The following ITGA6 variants were observed in gnomAD, a reference collection of about 807,000 sequenced individuals.
The protein encoded by ITGA6 is integrin subunit alpha 6.
ITGA6 carries 63 observed loss-of-function variants against 133.6 expected under a neutral mutation model. The ratio of observed to expected loss-of-function variants is 0.47; its 90% CI spans 0.38 to 0.58. ITGA6 has a LOEUF of 0.58. Among genes scored for constraint, ITGA6 ranks in the 20% least tolerant of loss-of-function variants. ITGA6 has a pLI of 0.00. For synonymous variants in ITGA6, 434 were observed against 482.0 expected (o/e 0.90, Z 1.30); for missense variants, 1,068 against 1,309.4 (o/e 0.82, Z 2.85).
At chr2:172,436,933 T>A (rs904090215) in intron 1 of ITGA6, among the ~76,000 whole-genome samples, 3 of 152,192 alleles carry the variant, frequency 2.0e-5, no homozygotes, top group Non-Finnish European at 4.4e-5. Flanking sequence ...TGATGTGATC[T>A]GCAAAAATAT....
chr2:172,441,905 C>T (rs551380476), intron 1 of ITGA6, among the ~76,000 whole-genome samples: 37 of 152,246 alleles, frequency 2.4e-4, no homozygotes, highest in South Asian at 6.2e-4. Context: ...CGCCCTCACC[C>T]CTAAGCAGAG....
At chr2:172,464,946 A>G (rs1213500673) in intron 1 of ITGA6, among the ~76,000 whole-genome samples, 38 of 57,668 alleles carry the variant, frequency 6.6e-4, no homozygotes, top group East Asian at 9.7e-3. Flanking sequence ...ACTGGAGGGA[A>G]AAAAAAAAAA....
At chr2:172,458,463 A>G (rs1334964314) in intron 1 of ITGA6, among the ~76,000 whole-genome samples, 2 of 152,140 alleles carry the variant, frequency 1.3e-5, no homozygotes, top group Non-Finnish European at 2.9e-5. Context: ...AAATAAAAAA[A>G]ATGCCTAAAA....
In ITGA6 at chr2:172,491,049, G is replaced by A. The variant is rs1048189769; in HGVS notation, c.2705G>A (p.Arg902Gln). Reference protein sequence around the residue: ...LTESHNSRKKREITEKQIDDN... With the variant: ...LTESHNSRKKQEITEKQIDDN... ...GAGTCTCACAACTCAAGAAAGAAACGGGAAATTACTGAAAAACAGATAGAT... is the reference window on the plus strand; with the variant it reads ...GAGTCTCACAACTCAAGAAAGAAACAGGAAATTACTGAAAAACAGATAGAT... Residue 902 changes from arginine to glutamine, a missense_variant, in exon 21 of 26, where the codon CGG becomes CAG. Transcript: ENST00000684293. This position sits in a 1 kb window ranked among gnomAD's most constrained non-coding sequence, Gnocchi z 4.4. The A allele has an allele frequency of 1.3e-5, 20 of 1,582,856 alleles. No homozygotes were observed. The highest frequency in any genetic ancestry group is 4.0e-5 in the African/African-American group (3 of 74,382).
At chr2:172,471,366 C>T (rs1340822698) in intron 5 of ITGA6, among the ~76,000 whole-genome samples, 1 of 152,200 alleles carries the variant, frequency 6.6e-6, no homozygotes, top group South Asian at 2.1e-4. Context: ...CTCCCTCCTG[C>T]TCAGAAGTCT....
rs1490996431 is a variant in ITGA6, at chr2:172,487,755, A to G, written c.2272A>G (p.Thr758Ala). Residue 758 changes from threonine (T) to alanine (A), a missense_variant, in exon 17 of 26, where the codon ACT (threonine) becomes GCT (alanine). By Grantham distance (58) the Thr-to-Ala change is moderately conservative. Around this residue, in one of 3 missense-constraint regions of ITGA6, gnomAD observed 609 missense variants for 707.2 expected, o/e 0.86. Transcript: ENST00000684293. ...CACTTTTTATTTGGTTTTAAGTACA[A>G]CTGAAGTCACCTTTGACACCCCAGA... Reference protein sequence around the residue: ...NVTFYLVLSTTEVTFDTPDLD... With the variant: ...NVTFYLVLSTAEVTFDTPDLD... 6.2e-7 allele frequency: 1 copy of G among 1,612,968 alleles called. No individual in the cohort carries two copies. Among genetic ancestry groups the G allele is most frequent in the East Asian group, 2.2e-5 (1 of 44,862 alleles).
chr2:172,459,227 C>T (rs1416646550), intron 1 of ITGA6, among the ~76,000 whole-genome samples: 4 of 152,230 alleles, frequency 2.6e-5, no homozygotes, highest in East Asian at 1.9e-4. Flanking sequence ...TGGTGGAGCA[C>T]GGTGGTTCAC....
Position 172,487,115 on chromosome 2 carries a change from A to G in ITGA6, c.1947A>G (p.Gln649=), listed in dbSNP as rs759169470. 11 of 1,607,744 alleles carry G rather than the reference A, an allele frequency of 6.8e-6. No homozygotes were observed. The Admixed American group carries it at 1.8e-4, about 27-fold the overall frequency. The change falls in exon 14 of 26, where the codon CAA becomes CAG. Residue 649 remains glutamine, a synonymous_variant. Transcript: ENST00000684293. ...AATTTTGCACCCGAGAAGGAAATCA[A>G]GACAAATTTTCTTATTTACCAATGT... ...EYKFCTREGN[Q]DKFSYLPIQK...
At chr2:172,429,993 A>G (rs1434871006) in intron 1 of ITGA6, among the ~76,000 whole-genome samples, 1 of 152,204 alleles carries the variant, frequency 6.6e-6, no homozygotes, top group Non-Finnish European at 1.5e-5. Flanking sequence ...AGCCAGTAAG[A>G]CTGAGAAAAC....
At chr2:172,435,618 T>C (rs1684286274) in intron 1 of ITGA6, among the ~76,000 whole-genome samples, 1 of 124,970 alleles carries the variant, frequency 8.0e-6, no homozygotes, top group Non-Finnish European at 1.6e-5. Flanking sequence ...TTTTGTTTCT[T>C]TTTTTTTTTT....
In ITGA6 at chr2:172,506,180, T is replaced by A. The variant is rs1687554117; in HGVS notation, c.*2112T>A. On this transcript the variant is annotated 3_prime_UTR_variant, in exon 26 of 26. Transcript: ENST00000684293. ...ATTTGTATAAAAGTGTGAAATAAAT[T>A]TTTTATAAAAGTGTTCATTGTTTCG... 6.6e-6 allele frequency: 1 copy of A among 152,638 alleles called. No individual in the cohort carries two copies. Among genetic ancestry groups the A allele is most frequent in the South Asian group, 2.1e-4 (1 of 4,828 alleles). 9.5% of individuals were successfully genotyped at this position (152,638 alleles called of 1,614,324 possible). A position where few individuals can be genotyped will look rare whatever the true frequency, so the allele number is the denominator to read the frequency against.
At chr2:172,445,273 A>G (rs1684710632) in intron 1 of ITGA6, among the ~76,000 whole-genome samples, 2 of 146,808 alleles carry the variant, frequency 1.4e-5, no homozygotes, top group African/African-American at 5.1e-5. Flanking sequence ...GCTGGTATTT[A>G]TACTTTGTAA....
intron 1 of ITGA6, among the ~76,000 whole-genome samples, chr2:172,441,108 A>G (rs545219116): frequency 6.6e-6 from 1 of 152,024 alleles, no homozygotes; most frequent in Non-Finnish European, 1.5e-5. Context: ...GCAGCTCTAG[A>G]TTCTTGAGTT....
intron 1 of ITGA6, among the ~76,000 whole-genome samples, chr2:172,450,911 T>C (rs980307825): frequency 7.2e-5 from 10 of 139,600 alleles, no homozygotes. Context: ...ATTTATATTA[T>C]ATATAAATTA....
In ITGA6 at chr2:172,465,378, G is replaced by A. The variant is rs1197779750; in HGVS notation, c.183-161G>A. The A allele has an allele frequency of 2.3e-6, 2 of 853,498 alleles. 1 individual carries two copies. The highest frequency in any genetic ancestry group is 2.8e-5 in the South Asian group (2 of 71,080). The allele number at this position is 853,498 out of a possible 1,614,324, so 52.9% of individuals were successfully genotyped here. On this transcript the variant is annotated intron_variant, in intron 1 of 25. Coordinates refer to ENST00000684293, the MANE Select transcript of ITGA6 (RefSeq NM_000210.4). ...GTGTTTGTGCGTTTTGCATGAACCA[G>A]CCATAGGACTCTACATTTGTTCTCA...
intron 1 of ITGA6, among the ~76,000 whole-genome samples, chr2:172,459,909 T>C (rs888041201): frequency 1.3e-5 from 2 of 152,156 alleles, no homozygotes; most frequent in East Asian, 1.9e-4. Flanking sequence ...GATGAGATCC[T>C]GATTTAACGC....
intron 9 of ITGA6, among the ~76,000 whole-genome samples, chr2:172,478,161 C>T (rs1686261191): frequency 6.6e-6 from 1 of 152,038 alleles, no homozygotes; most frequent in African/African-American, 2.4e-5. Context: ...TATCTTAGAA[C>T]CTAGCAGCTG....
In ITGA6 at chr2:172,443,049, C is replaced by T. The variant is rs140466209; in HGVS notation, c.182+15079C>T. ...CTACAAAGATGGAATGAAAGTCAGC[C>T]TCCCACCCTTGATCTCTGGGCATCC... On this transcript the variant is annotated intron_variant, in intron 1 of 25. Transcript: ENST00000684293. Among the ~76,000 whole-genome samples, 97 of 152,250 alleles carry T rather than the reference C, an allele frequency of 6.4e-4. 1 individual carries two copies. Among genetic ancestry groups the T allele is most frequent in the African/African-American group, 2.2e-3 (90 of 41,538 alleles).
intron 10 of ITGA6, 85 bp from the exon 11 acceptor site, chr2:172,479,905 G>A: frequency 1.9e-6 from 2 of 1,061,248 alleles, no homozygotes; most frequent in Non-Finnish European, 3.0e-6. Flanking sequence ...TGGGCATTGG[G>A]GGGATTGGAG....
Sources: gnomAD v4.1 joint callset for allele counts (sites outside exome capture counted in the v4.1 genomes callset) on GRCh38, gnomAD v4.1.1 for gene constraint, gnomAD v4.1.1 regional missense constraint, Gnocchi (gnomAD v3.1) non-coding constraint, MANE v1.5 for transcripts, NCBI Gene and HGNC (gene_info 2026-07-23, HGNC 2026-07-21) for gene names.